The following GHR variants were observed in gnomAD, a reference collection of about 807,000 sequenced individuals.
The protein encoded by GHR is growth hormone receptor.
Under a neutral mutation model 67.1 loss-of-function variants are expected in GHR, and 35 were observed. The observed-to-expected ratio is 0.52, with a 90% CI of 0.40 to 0.69. The LOEUF is 0.69. Ranked by LOEUF, GHR falls within the 30% of genes least tolerant of loss-of-function variation. GHR has a pLI of 0.00. For synonymous variants in GHR, 272 were observed against 269.1 expected, an observed-to-expected ratio of 1.01 and a Z score of -0.10; for missense variants, 792 against 764.6, an observed-to-expected ratio of 1.04 and a Z score of -0.42.
chr5:42,708,820 A>C (rs899143272), intron 6 of GHR, among the ~76,000 whole-genome samples: 1 of 152,140 alleles, frequency 6.6e-6, no homozygotes, highest in African/African-American at 2.4e-5. Flanking sequence ...ATATCCCAAC[A>C]TGGCTTTGTT....
chr5:42,647,789 G>A (rs1397463499), intron 3 of GHR: 1 of 397,812 alleles, frequency 2.5e-6, no homozygotes, highest in Admixed American at 3.4e-5. Flanking sequence ...TTGGCAAAAG[G>A]ATCTTACGTA....
At chr5:42,645,444 A>G (rs1222775355) in intron 3 of GHR, among the ~76,000 whole-genome samples, 1 of 152,258 alleles carries the variant, frequency 6.6e-6, no homozygotes, top group Non-Finnish European at 1.5e-5. Flanking sequence ...ACAAACAAAA[A>G]CAAAAAAAGG....
chr5:42,595,935 G>A (rs1752044035), intron 2 of GHR, among the ~76,000 whole-genome samples: 1 of 152,196 alleles, frequency 6.6e-6, no homozygotes, highest in Admixed American at 6.5e-5. Context: ...CTGAGGGATA[G>A]GTGCTCTTGG....
intron 1 of GHR, among the ~76,000 whole-genome samples, chr5:42,470,163 TAA>T (rs1744942551): frequency 7.1e-6 from 1 of 140,686 alleles, no homozygotes; most frequent in African/African-American, 2.5e-5. Context: ...TTATAATATA[TAA>T]GATATAATTA....
intron 1 of GHR, among the ~76,000 whole-genome samples, chr5:42,456,162 T>C (rs1744251010): frequency 6.6e-6 from 1 of 152,066 alleles, no homozygotes; most frequent in African/African-American, 2.4e-5. Flanking sequence ...AATACAAAAA[T>C]TAGCTGGGTG....
intron 5 of GHR, among the ~76,000 whole-genome samples, chr5:42,696,230 G>A (rs1279388077): frequency 6.6e-6 from 1 of 152,182 alleles, no homozygotes; most frequent in East Asian, 1.9e-4. Context: ...TTCTGGTGGT[G>A]GTGGTTATAG....
Position 42,424,888 on chromosome 5 carries a change from G to GT in GHR, c.-12+934dup. 2.0e-6 allele frequency: 1 copy of GT among 509,638 alleles called. No individual in the cohort carries two copies. The highest frequency in any genetic ancestry group is 8.5e-5 in the South Asian group (1 of 11,802). The allele number at this position is 509,638 out of a possible 1,614,324, so 31.6% of individuals were successfully genotyped here. ...GGCGCGGACTGTGTGTCCTGAATGA[G>GT]TGTACGTGTGCGCTGTGTGTGCGCG... is the stretch of plus-strand genomic sequence containing the variant. On this transcript the variant is annotated intron_variant, in intron 1 of 9. Coordinates refer to ENST00000230882, the MANE Select transcript of GHR (RefSeq NM_000163.5). The surrounding 1 kb of genome is among the most constrained non-coding windows in gnomAD (Gnocchi z 4.1).
intron 2 of GHR, among the ~76,000 whole-genome samples, chr5:42,625,564 A>C (rs866206658): frequency 6.6e-6 from 1 of 152,094 alleles, no homozygotes; most frequent in Non-Finnish European, 1.5e-5. Context: ...GCTTGGTTTT[A>C]TATATTTTAG....
chr5:42,467,832 G>C, intron 1 of GHR: 1 of 1,161,224 alleles, frequency 8.6e-7, no homozygotes, highest in Non-Finnish European at 1.2e-6. Flanking sequence ...TGGGTTTTCG[G>C]ATTGTTAACA....
At chr5:42,596,213 T>C (rs992476921) in intron 2 of GHR, among the ~76,000 whole-genome samples, 3 of 152,180 alleles carry the variant, frequency 2.0e-5, no homozygotes, top group Admixed American at 1.3e-4. Flanking sequence ...TTTTTCATCA[T>C]TGTCTGCAGA....
At chr5:42,469,278 T>G (rs528117908) in intron 1 of GHR, among the ~76,000 whole-genome samples, 7 of 152,336 alleles carry the variant, frequency 4.6e-5, no homozygotes, top group Non-Finnish European at 8.8e-5. Context: ...ATTTCTTATA[T>G]TTTTATGTAT....
intron 3 of GHR, among the ~76,000 whole-genome samples, chr5:42,640,393 T>C (rs1754406862): frequency 6.6e-6 from 1 of 152,154 alleles, no homozygotes; most frequent in South Asian, 2.1e-4. Flanking sequence ...GAAAAGTTCC[T>C]AGCACAAAGT....
At chr5:42,583,898 A>ATAT (rs1452845926) in intron 2 of GHR, among the ~76,000 whole-genome samples, 13 of 145,690 alleles carry the variant, frequency 8.9e-5, no homozygotes, top group Admixed American at 1.4e-4. Context: ...TATATATATA[A>ATAT]ATTCTTACAG....
chr5:42,535,968 C>T (rs367882498), intron 1 of GHR, among the ~76,000 whole-genome samples: 10 of 152,086 alleles, frequency 6.6e-5, no homozygotes, highest in Admixed American at 4.6e-4. Context: ...TCTGCTTGGT[C>T]GCTGCTGGTG....
chr5:42,673,008 T>A (rs369766331), intron 3 of GHR, among the ~76,000 whole-genome samples: 1 of 152,142 alleles, frequency 6.6e-6, no homozygotes, highest in East Asian at 1.9e-4. Context: ...CTTCACAAAC[T>A]GTGCTTCCAA....
At position 42,498,039 on chromosome 5, in the gene GHR, G is replaced by A. The variant is rs144433067; in HGVS notation, c.-11-67825G>A. Among the ~76,000 whole-genome samples, 59 of 152,304 alleles carry A rather than the reference G, an allele frequency of 3.9e-4. 1 individual carries two copies. The highest frequency in any genetic ancestry group is 1.3e-3 in the African/African-American group (52 of 41,566). On this transcript the variant is annotated intron_variant, in intron 1 of 9. Coordinates refer to ENST00000230882, the MANE Select transcript of GHR (RefSeq NM_000163.5). The stretch of plus-strand genomic sequence containing the variant: ...AGTGGGTTAATATTTTGCGTTAGAA[G>A]AGCATTTGGATACATCCTGATAATT...
At chr5:42,640,812 A>G (rs966968971) in intron 3 of GHR, among the ~76,000 whole-genome samples, 5 of 152,096 alleles carry the variant, frequency 3.3e-5, no homozygotes, top group African/African-American at 1.2e-4. Context: ...ATTTCTACCA[A>G]AAAATACAAA....
At chr5:42,485,139 T>G (rs1213882127) in intron 1 of GHR, among the ~76,000 whole-genome samples, 1 of 152,158 alleles carries the variant, frequency 6.6e-6, no homozygotes, top group Non-Finnish European at 1.5e-5. Flanking sequence ...GAAAAATCGA[T>G]CTGAGAGCTA....
chr5:42,588,526 CAAAAA>C (rs10716908), intron 2 of GHR, among the ~76,000 whole-genome samples: 17 of 45,122 alleles, frequency 3.8e-4, no homozygotes, highest in African/African-American at 5.6e-4. Context: ...AACTCCATCT[CAAAAA>C]AAAAAAAAAA....
Sources: allele counts gnomAD v4.1 joint callset (sites outside exome capture counted in the v4.1 genomes callset), GRCh38; gene constraint gnomAD v4.1.1; non-coding constraint Gnocchi (gnomAD v3.1); transcripts MANE v1.5; gene names NCBI Gene and HGNC (gene_info 2026-07-23, HGNC 2026-07-21).